CRTC1: variants seen among roughly 807,000 people sequenced by gnomAD.
CRTC1 encodes CREB-regulated transcription coactivator 1.
A neutral mutation model predicts 66.1 loss-of-function variants in CRTC1; 18 were observed. The ratio of observed to expected loss-of-function variants is 0.27; its 90% CI spans 0.19 to 0.40. The LOEUF is 0.40. Ranked by LOEUF, CRTC1 falls within the 10% of genes least tolerant of loss-of-function variation. The pLI is 1.00. For synonymous variants in CRTC1, 416 were observed against 398.8 expected, an observed-to-expected ratio of 1.04 and a Z score of -0.51; for missense variants, 669 against 887.9, an observed-to-expected ratio of 0.75 and a Z score of 3.13.
intron 13 of CRTC1, among the ~76,000 whole-genome samples, chr19:18,776,771 A>G (rs2054998411): frequency 6.6e-6 from 1 of 152,196 alleles, no homozygotes; most frequent in Non-Finnish European, 1.5e-5. Flanking sequence ...CTCCAGCCCT[A>G]GCAGCAGCTG....
intron 1 of CRTC1, among the ~76,000 whole-genome samples, chr19:18,689,157 G>A (rs2145461247): frequency 6.6e-6 from 1 of 152,028 alleles, no homozygotes; most frequent in South Asian, 2.1e-4. Context: ...ATGTTGGGCA[G>A]GCTGGTCTCG....
chr19:18,765,765 A>G (rs1463093100), intron 9 of CRTC1, among the ~76,000 whole-genome samples: 4 of 152,198 alleles, frequency 2.6e-5, no homozygotes, highest in African/African-American at 9.7e-5. Context: ...GTTCGAGACC[A>G]GCCTGGCCAA....
chr19:18,764,187 C>T (rs2054677005), intron 8 of CRTC1, among the ~76,000 whole-genome samples: 1 of 152,210 alleles, frequency 6.6e-6, no homozygotes, highest in African/African-American at 2.4e-5. Flanking sequence ...TCCCATGGGC[C>T]CACGCACCCG....
chr19:18,686,255 G>A (rs964929002), intron 1 of CRTC1, among the ~76,000 whole-genome samples: 11 of 152,074 alleles, frequency 7.2e-5, no homozygotes, highest in Non-Finnish European at 1.3e-4. Context: ...CATCTCTGTA[G>A]TATCATGGAT....
At chr19:18,702,322 C>G (rs1365028139) in intron 1 of CRTC1, among the ~76,000 whole-genome samples, 1 of 151,780 alleles carries the variant, frequency 6.6e-6, no homozygotes, top group African/African-American at 2.4e-5. Context: ...TGGGCTCAGG[C>G]AGTCCTCCTG....
In CRTC1 at chr19:18,781,558, T is replaced by TC; in HGVS notation, c.*4181dup. 4.4e-6 allele frequency: 1 copy of TC among 228,756 alleles called. No homozygotes were observed. 14.2% of individuals were successfully genotyped at this position (228,756 alleles called of 1,614,324 possible). A position where few individuals can be genotyped will look rare whatever the true frequency, so the allele number is the denominator to read the frequency against. ...CCCCCACTGGCCACAGACACCATTCTCCCCCTGGGAGCAGGAGGTGGAGTA... is the reference window on the plus strand; with the variant it reads ...CCCCCACTGGCCACAGACACCATTCTCCCCCCTGGGAGCAGGAGGTGGAGTA... On this transcript the variant is annotated 3_prime_UTR_variant, in exon 14 of 14. Coordinates refer to ENST00000321949, the MANE Select transcript of CRTC1 (RefSeq NM_015321.3).
Position 18,683,786 on chromosome 19 carries a change from C to T in CRTC1, c.84C>T (p.Phe28=), listed in dbSNP as rs553599975. 5 of 1,386,770 alleles carry T rather than the reference C, an allele frequency of 3.6e-6. No individual in the cohort carries two copies. The highest frequency in any genetic ancestry group is 3.1e-5 in the African/African-American group (2 of 65,240). The allele number at this position is 1,386,770 out of a possible 1,614,324, so 85.9% of individuals were successfully genotyped here. Residue 28 remains phenylalanine (F), a synonymous_variant, in exon 1 of 14, where the codon TTC becomes TTT. Coordinates refer to ENST00000321949, the MANE Select transcript of CRTC1 (RefSeq NM_015321.3). ...NQKQAEETAA[F]EEVMKDLSLT... is the part of the protein sequence containing the mutation. The stretch of plus-strand genomic sequence containing the variant: ...AGCAGGCGGAGGAGACGGCGGCCTT[C>T]GAGGAGGTCATGAAGGACCTGAGCC...
Position 18,753,577 on chromosome 19 carries a change from A to G in CRTC1, c.616A>G (p.Thr206Ala). 1 of 1,610,886 alleles carries G rather than the reference A, an allele frequency of 6.2e-7. No individual in the cohort carries two copies. Residue 206 changes from threonine to alanine, a missense_variant, in exon 6 of 14, where the codon ACC becomes GCC. Physicochemically the swap from Thr to Ala is moderately conservative, Grantham distance 58 (BLOSUM62 0). Around this residue, in one of 8 missense-constraint regions of CRTC1, gnomAD observed 214 missense variants for 323.4 expected, o/e 0.66. Transcript: ENST00000321949. ...AAACCTTTCCAAGCAAGCATGGGAC[A>G]CCAAGAAGGTAAGAGCCTATGAGCT... ...DKNLSKQAWD[T>A]KKTGSRPKSC... is the part of the protein sequence containing the mutation.
At position 18,777,383 on chromosome 19, in the gene CRTC1, G is replaced by T; in HGVS notation, c.*1G>T. ...CACCTTCCGGATGGACCGCCTGTGA[G>T]CGGGCACGCCGGCACCCTGCCGCTC... is the stretch of plus-strand genomic sequence containing the variant. On this transcript the variant is annotated 3_prime_UTR_variant, in exon 14 of 14. Coordinates refer to ENST00000321949, the MANE Select transcript of CRTC1 (RefSeq NM_015321.3). This position sits in a 1 kb window ranked among gnomAD's most constrained non-coding sequence, Gnocchi z 5.5. 1 of 1,601,536 alleles carries T rather than the reference G, an allele frequency of 6.2e-7. No homozygotes were observed. The highest frequency in any genetic ancestry group is 8.5e-7 in the Non-Finnish European group (1 of 1,179,730).
At chr19:18,772,691 G>A (rs990903669) in intron 11 of CRTC1, among the ~76,000 whole-genome samples, 9 of 152,186 alleles carry the variant, frequency 5.9e-5, no homozygotes, top group Admixed American at 5.2e-4. Flanking sequence ...GCCAAGGGCC[G>A]TCTGGGACCA....
chr19:18,745,590 CT>C (rs1224417557), intron 2 of CRTC1, among the ~76,000 whole-genome samples: 1 of 152,220 alleles, frequency 6.6e-6, no homozygotes. Context: ...CTGCACGCCC[CT>C]GCCACCCTGG....
intron 1 of CRTC1, among the ~76,000 whole-genome samples, chr19:18,730,833 T>G (rs2053870233): frequency 6.6e-6 from 1 of 152,154 alleles, no homozygotes; most frequent in South Asian, 2.1e-4. Context: ...GTGGCCCCCC[T>G]GGCTGTCTCC....
At chr19:18,708,436 G>A (rs897974464) in intron 1 of CRTC1, among the ~76,000 whole-genome samples, 2 of 152,188 alleles carry the variant, frequency 1.3e-5, no homozygotes, top group Admixed American at 6.5e-5. Flanking sequence ...GGGCCACCCC[G>A]GGTTTCTGGC....
rs1467168283 is a variant in CRTC1 at position 18,733,777 on chromosome 19, A to G, written c.127-9133A>G. Among the ~76,000 whole-genome samples the G allele has an allele frequency of 5.3e-5, 8 of 152,222 alleles. 1 individual carries two copies. The South Asian group carries it at 1.2e-3, about 24-fold the overall frequency. On this transcript the variant is annotated intron_variant, in intron 1 of 13. Coordinates refer to ENST00000321949, the MANE Select transcript of CRTC1 (RefSeq NM_015321.3). ...AGCCAGAATGAACTCAGAATGGGCC[A>G]AAGACCTAAATGCAAGAGCTAGAAG...
At chr19:18,702,998 A>G (rs889523586) in intron 1 of CRTC1, among the ~76,000 whole-genome samples, 1 of 151,210 alleles carries the variant, frequency 6.6e-6, no homozygotes, top group Non-Finnish European at 1.5e-5. Flanking sequence ...TGTTGCCTCA[A>G]TTTCCTGGGC....
intron 8 of CRTC1, among the ~76,000 whole-genome samples, chr19:18,761,323 C>T (rs1232389843): frequency 2.6e-5 from 4 of 152,190 alleles, no homozygotes; most frequent in African/African-American, 9.7e-5. Flanking sequence ...GTGGCAGGCA[C>T]CTGGCTTCCA....
chr19:18,778,075 G>A lies in CRTC1; in HGVS notation c.*693G>A, dbSNP rs939316880. 2 of 233,156 alleles carry A rather than the reference G, an allele frequency of 8.6e-6. No homozygotes were observed. The highest frequency in any genetic ancestry group is 2.2e-5 in the African/African-American group (1 of 45,312). 14.4% of individuals were successfully genotyped at this position (233,156 alleles called of 1,614,324 possible). A position where few individuals can be genotyped will look rare whatever the true frequency, so the allele number is the denominator to read the frequency against. The stretch of plus-strand genomic sequence containing the variant: ...CTCCTCGCCCTGTCTCCATCCCCTC[G>A]AAGCCCTGCCTCACCGCAGGCAGGC... On this transcript the variant is annotated 3_prime_UTR_variant, in exon 14 of 14. Transcript: ENST00000321949.
chr19:18,750,644 C>T (rs1026730001), intron 5 of CRTC1, among the ~76,000 whole-genome samples: 9 of 152,196 alleles, frequency 5.9e-5, no homozygotes, highest in Non-Finnish European at 1.2e-4. Context: ...GCTCACATAC[C>T]TATGCTTGTA....
In CRTC1 at chr19:18,778,636, A is replaced by G. The variant is rs1023287916; in HGVS notation, c.*1254A>G. On this transcript the variant is annotated 3_prime_UTR_variant, in exon 14 of 14. Transcript: ENST00000321949. The stretch of plus-strand genomic sequence containing the variant: ...CTTGGCTTTTATTGAGGGTCTCTCA[A>G]AGACCCAGCCTGCCAGCCTCTCCCA... The G allele has an allele frequency of 6.1e-5, 14 of 230,598 alleles. No individual in the cohort carries two copies. Among genetic ancestry groups the G allele is most frequent in the Non-Finnish European group, 1.0e-4 (12 of 116,474 alleles). The allele number at this position is 230,598 out of a possible 1,614,324, so 14.3% of individuals were successfully genotyped here. A position where few individuals can be genotyped will look rare whatever the true frequency, so the allele number is the denominator to read the frequency against.
Sources: allele counts gnomAD v4.1 joint callset (sites outside exome capture counted in the v4.1 genomes callset), GRCh38; gene constraint gnomAD v4.1.1; regional missense constraint gnomAD v4.1.1; non-coding constraint Gnocchi (gnomAD v3.1); transcripts MANE v1.5; gene names NCBI Gene and HGNC (gene_info 2026-07-23, HGNC 2026-07-21).